SPTBN1: variants seen among roughly 807,000 people sequenced by gnomAD.
The protein encoded by SPTBN1 is spectrin beta chain, non-erythrocytic 1.
SPTBN1 carries 32 observed loss-of-function variants against 266.4 expected under a neutral mutation model. The observed-to-expected ratio is 0.12, with a 90% CI of 0.09 to 0.16. The LOEUF (loss-of-function observed/expected upper bound fraction) is 0.16. Among genes scored for constraint, SPTBN1 ranks in the 10% least tolerant of loss-of-function variants. The pLI is 1.00. For missense variants in SPTBN1, 2,296 were observed against 3,067.1 expected (o/e 0.75, Z 5.94); for synonymous variants, 1,336 against 1,162.2 (o/e 1.15, Z -3.04).
chr2:54,642,919 TC>T, intron 18 of SPTBN1, 63 bp from the exon 19 acceptor site: 5 of 1,573,288 alleles, frequency 3.2e-6, no homozygotes, highest in Non-Finnish European at 4.3e-6. Flanking sequence ...CACAACCCTT[TC>T]CAGGCGGAAA....
In SPTBN1 at chr2:54,646,062, T is replaced by C. The variant is rs371461863; in HGVS notation, c.4584+45T>C. 6 of 1,612,580 alleles carry C rather than the reference T, an allele frequency of 3.7e-6. No homozygotes were observed. The highest frequency in any genetic ancestry group is 4.2e-6 in the Non-Finnish European group (5 of 1,178,884). ...CTAGTTCTGTCTGATAAATAATTGC[T>C]CTAAATTATGAGACTGGGAATGGCA... On this transcript the variant is annotated intron_variant, in intron 22 of 35. Transcript: ENST00000356805. The surrounding 1 kb of genome is among the most constrained non-coding windows in gnomAD (Gnocchi z 4.4).
At chr2:54,588,682 C>T (rs1675464627) in intron 2 of SPTBN1, among the ~76,000 whole-genome samples, 1 of 152,170 alleles carries the variant, frequency 6.6e-6, no homozygotes, top group African/African-American at 2.4e-5. Flanking sequence ...AGCCTTTGCC[C>T]TAACTGATCA....
rs1016297052 is a variant in SPTBN1 at position 54,658,759 on chromosome 2, AGC to A, written c.6244-393_6244-392del. The stretch of plus-strand genomic sequence containing the variant: ...GAACACAGATCCCCACCACAGCACA[AGC>A]GGCTTCCTTGAGAATTATTGCAGCT... On this transcript the variant is annotated intron_variant, in intron 30 of 35. Transcript: ENST00000356805. 3.2e-4 allele frequency among the ~76,000 whole-genome samples: 48 copies of A among 152,338 alleles called. 1 individual carries two copies. Among genetic ancestry groups the A allele is most frequent in the Admixed American group, 2.9e-3 (44 of 15,304 alleles).
intron 7 of SPTBN1, among the ~76,000 whole-genome samples, chr2:54,620,642 C>G (rs754984062): frequency 6.6e-6 from 1 of 152,036 alleles, no homozygotes; most frequent in Non-Finnish European, 1.5e-5. Context: ...GAGTGAGACC[C>G]TGTCTCAAAA....
chr2:54,558,068 A>C lies in SPTBN1; in HGVS notation c.148+31502A>C. On this transcript the variant is annotated intron_variant, in intron 2 of 35. Coordinates refer to ENST00000356805, the MANE Select transcript of SPTBN1 (RefSeq NM_003128.3). The surrounding 1 kb of genome is among the most constrained non-coding windows in gnomAD (Gnocchi z 4.6). ...TCCCGTGGGCGCGCTAGCCTTTTCA[A>C]GTGATAGTAATCGGAGACTTTTCCG... 1 of 985,406 alleles carries C rather than the reference A, an allele frequency of 1.0e-6. No homozygotes were observed. The highest frequency in any genetic ancestry group is 1.2e-6 in the Non-Finnish European group (1 of 829,906). 61.0% of individuals were successfully genotyped at this position (985,406 alleles called of 1,614,324 possible).
Position 54,646,588 on chromosome 2 carries a change from T to G in SPTBN1, c.4866+113T>G, listed in dbSNP as rs1467986437. On this transcript the variant is annotated intron_variant, in intron 23 of 35. Coordinates refer to ENST00000356805, the MANE Select transcript of SPTBN1 (RefSeq NM_003128.3). The surrounding 1 kb of genome is among the most constrained non-coding windows in gnomAD (Gnocchi z 4.4). ...AAAAACTTCCCTTGTAGCCTTTGAG[T>G]GTTAAGGGGACACCATGTGCATGAA... 8.1e-7 allele frequency: 1 copy of G among 1,234,836 alleles called. No individual in the cohort carries two copies. Among genetic ancestry groups the G allele is most frequent in the Non-Finnish European group, 1.1e-6 (1 of 935,890 alleles). The allele number at this position is 1,234,836 out of a possible 1,614,324, so 76.5% of individuals were successfully genotyped here. A position where few individuals can be genotyped will look rare whatever the true frequency, so the allele number is the denominator to read the frequency against.
At position 54,558,278 on chromosome 2, in the gene SPTBN1, G is replaced by A. The variant is rs1558836970; in HGVS notation, c.148+31712G>A. On this transcript the variant is annotated intron_variant, in intron 2 of 35. Coordinates refer to ENST00000356805, the MANE Select transcript of SPTBN1 (RefSeq NM_003128.3). The surrounding 1 kb of genome is among the most constrained non-coding windows in gnomAD (Gnocchi z 4.6). ...CCCCCGCGCCCCTCCTCGTGGTATA[G>A]CCTGCATTTCTAATACAATGCTGTT... 1.0e-6 allele frequency: 1 copy of A among 985,446 alleles called. No homozygotes were observed. The highest frequency in any genetic ancestry group is 1.2e-6 in the Non-Finnish European group (1 of 829,988). 61.0% of individuals were successfully genotyped at this position (985,446 alleles called of 1,614,324 possible). A position where few individuals can be genotyped will look rare whatever the true frequency, so the allele number is the denominator to read the frequency against.
intron 2 of SPTBN1, among the ~76,000 whole-genome samples, chr2:54,530,353 CTTTTTT>C (rs549491367): frequency 2.3e-4 from 17 of 73,908 alleles, no homozygotes; most frequent in South Asian, 6.3e-4. Context: ...TTGTAAAAAA[CTTTTTT>C]TTTTTTTTTT....
intron 1 of SPTBN1, among the ~76,000 whole-genome samples, chr2:54,510,241 C>T (rs866945989): frequency 6.6e-6 from 1 of 152,094 alleles, no homozygotes; most frequent in African/African-American, 2.4e-5. Context: ...CCACTGTGCC[C>T]GGCCATTCTT....
In SPTBN1 at chr2:54,647,230, C is replaced by T. The variant is rs768815629; in HGVS notation, c.4966C>T (p.Arg1656Trp). 10 of 1,613,972 alleles carry T rather than the reference C, an allele frequency of 6.2e-6. No individual in the cohort carries two copies. In the East Asian group the frequency reaches 8.9e-5, roughly 14 times the overall value. Reference sequence around the variant, plus strand: ...CGTGCATCAGCTCTCCAAGACCAGCCGGGCCCTGGTGGCCGACAGCCATCC... The same window carrying T: ...CGTGCATCAGCTCTCCAAGACCAGCTGGGCCCTGGTGGCCGACAGCCATCC... ...ETVHQLSKTS[R>W]ALVADSHPES... The change falls in exon 24 of 36, where the codon CGG becomes TGG. Residue 1656 changes from arginine (R) to tryptophan (W), a missense_variant. By Grantham distance (101) the Arg-to-Trp change is moderately radical (BLOSUM62 -3). Around this residue, in one of 12 missense-constraint regions of SPTBN1, gnomAD observed 644 missense variants for 745.3 expected, o/e 0.86. Coordinates refer to ENST00000356805, the MANE Select transcript of SPTBN1 (RefSeq NM_003128.3).
rs779677925 is a variant in SPTBN1 at position 54,646,320 on chromosome 2, A to G, written c.4711A>G (p.Lys1571Glu). 1 of 1,614,076 alleles carries G rather than the reference A, an allele frequency of 6.2e-7. No individual in the cohort carries two copies. Among genetic ancestry groups the G allele is most frequent in the African/African-American group, 1.3e-5 (1 of 74,928 alleles). The change falls in exon 23 of 36, where the codon AAG becomes GAG. Residue 1571 changes from lysine (K) to glutamate (E), a missense_variant. By Grantham distance (56) the Lys-to-Glu change is moderately conservative (BLOSUM62 1). This residue lies in a region of SPTBN1 where 644 missense variants were observed against 745.3 expected (regional missense o/e 0.86). Coordinates refer to ENST00000356805, the MANE Select transcript of SPTBN1 (RefSeq NM_003128.3). The surrounding 1 kb of genome is among the most constrained non-coding windows in gnomAD (Gnocchi z 4.4). ...CATCAGACAGAGGCTTGCCGACCTG[A>G]AGCAGCTGTGGGGTCTCCTCATTGA... is the stretch of plus-strand genomic sequence containing the variant. ...EAIRQRLADL[K>E]QLWGLLIEET... is the part of the protein sequence containing the mutation.
intron 1 of SPTBN1, among the ~76,000 whole-genome samples, chr2:54,463,963 A>C (rs1693500933): frequency 6.6e-6 from 1 of 152,248 alleles, no homozygotes; most frequent in Admixed American, 6.5e-5. Flanking sequence ...GGAGGTCGAT[A>C]ACTGTAAGTT....
rs550733510 is a variant in SPTBN1, at chr2:54,607,721, T to C, written c.301-4440T>C. On this transcript the variant is annotated intron_variant, in intron 3 of 35. Transcript: ENST00000356805. Reference sequence around the variant, plus strand: ...ATAAGCGACTTGAGCATTTATGGATTTTGGTATCATTGGGGGTCCTGGAAT... The same window carrying C: ...ATAAGCGACTTGAGCATTTATGGATCTTGGTATCATTGGGGGTCCTGGAAT... Among the ~76,000 whole-genome samples, 26 of 152,234 alleles carry C rather than the reference T, an allele frequency of 1.7e-4. 1 individual carries two copies. The highest frequency in any genetic ancestry group is 3.1e-4 in the Non-Finnish European group (21 of 68,040).
chr2:54,617,272 G>T (rs906930145), intron 5 of SPTBN1, among the ~76,000 whole-genome samples: 1 of 152,244 alleles, frequency 6.6e-6, no homozygotes, highest in African/African-American at 2.4e-5. Context: ...TTTGTAGGTA[G>T]AGTAGAAAGC....
At chr2:54,591,951 G>T (rs4374410) in intron 2 of SPTBN1, among the ~76,000 whole-genome samples, 51,692 of 151,966 alleles carry the variant, frequency 0.34, 11,392 homozygotes, top group African/African-American at 0.64. Flanking sequence ...GAGGATCACT[G>T]GAGACCAGGA....
chr2:54,481,411 T>A (rs904794100), intron 1 of SPTBN1, among the ~76,000 whole-genome samples: 10 of 131,632 alleles, frequency 7.6e-5, no homozygotes, highest in African/African-American at 2.9e-4. Flanking sequence ...TGTGTGTGTG[T>A]GTGTGTGTGT....
chr2:54,668,520 A>G lies in SPTBN1; in HGVS notation c.7046A>G (p.Lys2349Arg). The change falls in exon 36 of 36, where the codon AAA becomes AGA. Residue 2349 changes from lysine to arginine, a missense_variant. Transcript: ENST00000356805. The part of the protein sequence containing the change: ...ESSPGKREKD[K>R]EKDKEKRFSL... Reference sequence around the variant, plus strand: ...AGTCCCGGCAAGCGGGAAAAGGACAAAGAGAAAGACAAAGAGAAGCGGTTC... The same window carrying G: ...AGTCCCGGCAAGCGGGAAAAGGACAGAGAGAAAGACAAAGAGAAGCGGTTC... 1.2e-6 allele frequency: 2 copies of G among 1,614,172 alleles called. No individual in the cohort carries two copies. Among genetic ancestry groups the G allele is most frequent in the Admixed American group, 1.7e-5 (1 of 60,016 alleles).
At chr2:54,527,103 T>C (rs919330297) in intron 2 of SPTBN1, 1 of 152,428 alleles carries the variant, frequency 6.6e-6, no homozygotes, top group African/African-American at 2.4e-5. Flanking sequence ...TCTCATTCCC[T>C]TGTTGCTGGT....
chr2:54,570,635 G>T (rs1195961222), intron 2 of SPTBN1, among the ~76,000 whole-genome samples: 3 of 152,134 alleles, frequency 2.0e-5, no homozygotes, highest in Non-Finnish European at 4.4e-5. Context: ...TGTGCATGTT[G>T]CCTGAAACTC....
Sources: gnomAD v4.1 joint callset for allele counts (sites outside exome capture counted in the v4.1 genomes callset) on GRCh38, gnomAD v4.1.1 for gene constraint, gnomAD v4.1.1 regional missense constraint, Gnocchi (gnomAD v3.1) non-coding constraint, MANE v1.5 for transcripts, NCBI Gene and HGNC (gene_info 2026-07-23, HGNC 2026-07-21) for gene names.